The following DOC2B variants were observed in gnomAD, a reference collection of about 807,000 sequenced individuals.
DOC2B encodes the protein double C2-like domain-containing protein beta.
Under a neutral mutation model 28.9 loss-of-function variants are expected in DOC2B, and 21 were observed. That is an observed-to-expected ratio of 0.73 (90% CI 0.52 to 1.05). DOC2B has a LOEUF of 1.05. DOC2B is among the 50% of genes least tolerant of loss of function. DOC2B has a pLI of 0.00. For synonymous variants in DOC2B, 194 were observed against 178.1 expected (o/e 1.09, Z -0.71); for missense variants, 384 against 421.1 (o/e 0.91, Z 0.77).
In DOC2B at chr17:165,547, G is replaced by A. The variant is rs990858209; in HGVS notation, c.454-1343C>T. On this transcript the variant is annotated intron_variant, in intron 2 of 8. Transcript: ENST00000613549. ...ACTCCCACCTTCCTAGGGCTGGAGT[G>A]AGAGGGAGGGAGACTGTGTGGACAC... 5.9e-5 allele frequency among the ~76,000 whole-genome samples: 9 copies of A among 151,964 alleles called. 1 individual carries two copies. Among genetic ancestry groups the A allele is most frequent in the Admixed American group, 5.2e-4 (8 of 15,264 alleles).
intron 6 of DOC2B, among the ~76,000 whole-genome samples, chr17:153,638 T>G (rs1247470527): frequency 6.6e-6 from 1 of 151,970 alleles, no homozygotes; most frequent in Admixed American, 6.6e-5. Flanking sequence ...GAGGCAGACG[T>G]TGCAGTGAGC....
intron 1 of DOC2B, among the ~76,000 whole-genome samples, chr17:177,109 T>C (rs867527515): frequency 2.8e-5 from 4 of 144,808 alleles, no homozygotes; most frequent in African/African-American, 7.7e-5. Context: ...GCAAGGACCA[T>C]AGAAAATCAT....
chr17:153,546 C>T (rs919430402), intron 6 of DOC2B, among the ~76,000 whole-genome samples: 26 of 152,072 alleles, frequency 1.7e-4, no homozygotes, highest in Non-Finnish European at 3.2e-4. Context: ...ACTAAAAATA[C>T]AAAAATTAGC....
intron 6 of DOC2B, among the ~76,000 whole-genome samples, chr17:149,723 C>T (rs1442507901): frequency 6.6e-6 from 1 of 152,202 alleles, no homozygotes; most frequent in Admixed American, 6.5e-5. Context: ...CCAGGCTGGT[C>T]TCTAGCTCCT....
chr17:160,963 A>T (rs562597175), intron 5 of DOC2B, among the ~76,000 whole-genome samples: 100 of 152,154 alleles, frequency 6.6e-4, no homozygotes, highest in African/African-American at 2.4e-3. Context: ...TGCAGCAAAC[A>T]GCCCCTCAGG....
In DOC2B at chr17:178,918, C is replaced by T. The variant is rs193089170; in HGVS notation, c.373+2189G>A. On this transcript the variant is annotated intron_variant, in intron 1 of 8. Transcript: ENST00000613549. ...GTTGTCACAGCCCAGAGGGGGGCACCGCCTGGGGTACTGGGTGGAAGGCAG... is the reference window on the plus strand; with the variant it reads ...GTTGTCACAGCCCAGAGGGGGGCACTGCCTGGGGTACTGGGTGGAAGGCAG... 2.6e-4 allele frequency among the ~76,000 whole-genome samples: 39 copies of T among 152,334 alleles called. No homozygotes were observed. The South Asian group carries it at 2.9e-3, about 11-fold the overall frequency.
intron 1 of DOC2B, among the ~76,000 whole-genome samples, chr17:176,199 G>GT (rs74476405): frequency 0.051 from 7,466 of 145,850 alleles, 546 homozygotes; most frequent in East Asian, 0.31. Flanking sequence ...CTCCCAAGAA[G>GT]TTTTTTTTTT....
At chr17:163,998 G>A (rs925725632) in intron 3 of DOC2B, 132 bp downstream of exon 3, 15 of 673,044 alleles carry the variant, frequency 2.2e-5, no homozygotes, top group Non-Finnish European at 3.4e-5. Context: ...TGGACTCTGA[G>A]GGGAGTGGCA....
At chr17:164,379 T>G (rs1245406003) in intron 2 of DOC2B, among the ~76,000 whole-genome samples, 175 bp from the exon 3 acceptor site, 1 of 152,130 alleles carries the variant, frequency 6.6e-6, no homozygotes, top group Non-Finnish European at 1.5e-5. Context: ...TCAACGCTGA[T>G]GCAATCTCCC....
At chr17:157,196 C>G (rs1257754105) in intron 5 of DOC2B, among the ~76,000 whole-genome samples, 1 of 152,244 alleles carries the variant, frequency 6.6e-6, no homozygotes, top group Non-Finnish European at 1.5e-5. Context: ...CCCGGACTTT[C>G]CCTTGGCTTT....
chr17:145,155 A>C lies in DOC2B; in HGVS notation c.*2286T>G, dbSNP rs2151455540. 6.6e-6 allele frequency: 1 copy of C among 152,128 alleles called. No individual in the cohort carries two copies. Among genetic ancestry groups the C allele is most frequent in the East Asian group, 1.9e-4 (1 of 5,180 alleles). The allele number at this position is 152,128 out of a possible 1,614,324, so 9.4% of individuals were successfully genotyped here. A position where few individuals can be genotyped will look rare whatever the true frequency, so the allele number is the denominator to read the frequency against. On this transcript the variant is annotated 3_prime_UTR_variant, in exon 9 of 9. Transcript: ENST00000613549. ...GGTTAGACACCTCTGGGGAAGCCTG[A>C]AGTAGCACGGATGGTTTCAAAGCCA... is the stretch of plus-strand genomic sequence containing the variant.
intron 5 of DOC2B, among the ~76,000 whole-genome samples, chr17:157,839 A>G (rs541314000): frequency 1.3e-5 from 2 of 152,162 alleles, no homozygotes; most frequent in Non-Finnish European, 2.9e-5. Flanking sequence ...GAATGGAGGG[A>G]CAGATGGTCC....
chr17:156,584 C>T (rs145324678), intron 5 of DOC2B, among the ~76,000 whole-genome samples: 8,445 of 152,314 alleles, frequency 0.055, 325 homozygotes, highest in Non-Finnish European at 0.085. Flanking sequence ...GACCCACACC[C>T]TCCCTGTTCT....
At chr17:164,070 G>T in intron 3 of DOC2B, 60 bp downstream of exon 3, 1 of 1,334,960 alleles carries the variant, frequency 7.5e-7, no homozygotes, top group Middle Eastern at 1.8e-4. Flanking sequence ...GGACCAGAGT[G>T]CATTGCCTGA....
chr17:178,483 G>T (rs922240840), intron 1 of DOC2B, among the ~76,000 whole-genome samples: 2 of 152,236 alleles, frequency 1.3e-5, no homozygotes, highest in African/African-American at 4.8e-5. Context: ...AGCCTCTCAG[G>T]TAGGGGCAGC....
chr17:161,553 G>A lies in DOC2B; in HGVS notation c.639-12C>T, dbSNP rs1338945729. 7.7e-6 allele frequency: 12 copies of A among 1,551,422 alleles called. No individual in the cohort carries two copies. Among genetic ancestry groups the A allele is most frequent in the African/African-American group, 1.4e-5 (1 of 73,050 alleles). ...CACACACAGAGATCCTAGAGGGGGCGGTGGTGAGGGGCACAGCCAGTGCCT... is the reference window on the plus strand; with the variant it reads ...CACACACAGAGATCCTAGAGGGGGCAGTGGTGAGGGGCACAGCCAGTGCCT... On this transcript the variant is annotated splice_polypyrimidine_tract_variant and intron_variant, in intron 4 of 8. Transcript: ENST00000613549.
intron 5 of DOC2B, among the ~76,000 whole-genome samples, chr17:160,880 C>T (rs1470751138): frequency 3.3e-5 from 5 of 152,146 alleles, no homozygotes; most frequent in African/African-American, 9.7e-5. Flanking sequence ...CTCACAGGCA[C>T]TCAGGTCTAA....
At chr17:176,000 C>A (rs970455813) in intron 1 of DOC2B, among the ~76,000 whole-genome samples, 10 of 152,216 alleles carry the variant, frequency 6.6e-5, no homozygotes, top group Admixed American at 2.0e-4. Flanking sequence ...TAAATAGAAG[C>A]TCGGTCACAG....
chr17:163,650 T>C (rs1555523559), intron 3 of DOC2B: 2 of 155,324 alleles, frequency 1.3e-5, no homozygotes, highest in Admixed American at 1.3e-4. Flanking sequence ...TCATCCGGCG[T>C]AGGAATGAGG....
Sources: gnomAD v4.1 joint callset for allele counts (sites outside exome capture counted in the v4.1 genomes callset) on GRCh38, gnomAD v4.1.1 for gene constraint, MANE v1.5 for transcripts, NCBI Gene and HGNC (gene_info 2026-07-23, HGNC 2026-07-21) for gene names.